BPIFB1: variants seen among roughly 807,000 people sequenced by gnomAD.
BPIFB1 encodes BPI fold containing family B member 1.
Under a neutral mutation model 55.1 loss-of-function variants are expected in BPIFB1, and 34 were observed. That is an observed-to-expected ratio of 0.62 (90% CI 0.47 to 0.82). The LOEUF (loss-of-function observed/expected upper bound fraction) is 0.82. Ranked by LOEUF, BPIFB1 falls within the 40% of genes least tolerant of loss-of-function variation. BPIFB1 has a pLI of 0.00. For missense variants in BPIFB1, 532 were observed against 593.1 expected (o/e 0.90, Z 1.07); for synonymous variants, 236 against 245.3 (o/e 0.96, Z 0.35).
At chr20:33,299,795 G>C in intron 7 of BPIFB1, 104 bp from the exon 8 acceptor site, 1 of 816,060 alleles carries the variant, frequency 1.2e-6, no homozygotes, top group Non-Finnish European at 2.1e-6. Flanking sequence ...CTCCCTACCT[G>C]CCCCCCCATG....
intron 2 of BPIFB1, 111 bp from the exon 3 acceptor site, chr20:33,288,630 T>A (rs1568646668): frequency 7.6e-7 from 1 of 1,307,898 alleles, no homozygotes; most frequent in African/African-American, 1.5e-5. Flanking sequence ...GGCTACACCC[T>A]CGCCTTACCT....
intron 6 of BPIFB1, among the ~76,000 whole-genome samples, chr20:33,295,684 G>GA (rs371404774): frequency 2.1e-5 from 3 of 141,064 alleles, no homozygotes; most frequent in Non-Finnish European, 3.0e-5. Flanking sequence ...AAGAAAGAGA[G>GA]AAAAAAAGGG....
chr20:33,287,091 G>C (rs1356542182), intron 2 of BPIFB1, among the ~76,000 whole-genome samples: 1 of 152,238 alleles, frequency 6.6e-6, no homozygotes, highest in East Asian at 1.9e-4. Flanking sequence ...AGGACGGGAA[G>C]CAGAGGGCTC....
In BPIFB1 at chr20:33,309,856, A is replaced by G; in HGVS notation, c.*89A>G. ...TAGACCATCCCTCTCTGCAATCAATAAACACTTGCCTGTGATGCCTGCCGT... is the reference window on the plus strand; with the variant it reads ...TAGACCATCCCTCTCTGCAATCAATGAACACTTGCCTGTGATGCCTGCCGT... On this transcript the variant is annotated 3_prime_UTR_variant, in exon 16 of 16. Transcript: ENST00000253354. The surrounding 1 kb of genome is among the most constrained non-coding windows in gnomAD (Gnocchi z 4.4). 1 of 1,233,952 alleles carries G rather than the reference A, an allele frequency of 8.1e-7. No homozygotes were observed. The highest frequency in any genetic ancestry group is 1.2e-6 in the Non-Finnish European group (1 of 843,616). 76.4% of individuals were successfully genotyped at this position (1,233,952 alleles called of 1,614,324 possible). A position where few individuals can be genotyped will look rare whatever the true frequency, so the allele number is the denominator to read the frequency against.
At chr20:33,308,164 A>G (rs1281759909) in intron 15 of BPIFB1, among the ~76,000 whole-genome samples, 1 of 152,116 alleles carries the variant, frequency 6.6e-6, no homozygotes, top group African/African-American at 2.4e-5. Context: ...AGATCTCACA[A>G]GAGCACACTC....
intron 4 of BPIFB1, 51 bp from the exon 5 acceptor site, chr20:33,290,906 C>T: frequency 6.3e-7 from 1 of 1,595,004 alleles, no homozygotes; most frequent in Middle Eastern, 1.7e-4. Flanking sequence ...CAGGGTTGCT[C>T]CAGCCCGAGC....
intron 5 of BPIFB1, 117 bp from the exon 6 acceptor site, chr20:33,291,790 T>G (rs574698429): frequency 4.4e-5 from 39 of 885,948 alleles, no homozygotes; most frequent in Middle Eastern, 4.4e-4. Context: ...TAACACGTCC[T>G]GTGACCTTGG....
chr20:33,303,217 GC>G, intron 11 of BPIFB1, 143 bp downstream of exon 11: 1 of 1,046,386 alleles, frequency 9.6e-7, no homozygotes, highest in East Asian at 2.6e-5. Context: ...TGAACCAAGA[GC>G]CAGGAGCTTT....
rs1201359000 is a variant in BPIFB1, at chr20:33,309,799, G to A, written c.*32G>A. On this transcript the variant is annotated 3_prime_UTR_variant, in exon 16 of 16. Coordinates refer to ENST00000253354, the MANE Select transcript of BPIFB1 (RefSeq NM_033197.3). This position sits in a 1 kb window ranked among gnomAD's most constrained non-coding sequence, Gnocchi z 4.4. ...GGATGGCAGCCATCAGGGAAGGCTG[G>A]GTCCCAGCTGGGAGTATGGGTGTGA... is the stretch of plus-strand genomic sequence containing the variant. 1.3e-6 allele frequency: 2 copies of A among 1,592,418 alleles called. No homozygotes were observed. Among genetic ancestry groups the A allele is most frequent in the African/African-American group, 2.7e-5 (2 of 74,236 alleles).
chr20:33,289,784 G>A, intron 3 of BPIFB1, 101 bp from the exon 4 acceptor site: 1 of 1,114,788 alleles, frequency 9.0e-7, no homozygotes, highest in Non-Finnish European at 1.4e-6. Flanking sequence ...GGGTCCCGCT[G>A]CTGCCTAGGC....
rs903910743 is a variant in BPIFB1 at position 33,302,815 on chromosome 20, G to A, written c.982-101G>A. 3.0e-6 allele frequency: 4 copies of A among 1,349,830 alleles called. No individual in the cohort carries two copies. The African/African-American group carries it at 5.8e-5, about 19-fold the overall frequency. 83.6% of individuals were successfully genotyped at this position (1,349,830 alleles called of 1,614,324 possible). ...CAGGGTGGCTGGAACACGTGAGGGA[G>A]CAGGGAGCCCAGGAAGGCAGGCAGG... On this transcript the variant is annotated intron_variant, in intron 10 of 15. Transcript: ENST00000253354.
In BPIFB1 at chr20:33,303,714, G is replaced by A. The variant is rs142068117; in HGVS notation, c.1141-244G>A. Among the ~76,000 whole-genome samples, 314 of 152,254 alleles carry A rather than the reference G, an allele frequency of 2.1e-3. 1 individual carries two copies. Among genetic ancestry groups the A allele is most frequent in the African/African-American group, 7.1e-3 (294 of 41,518 alleles). On this transcript the variant is annotated intron_variant, in intron 11 of 15. Transcript: ENST00000253354. Reference sequence around the variant, plus strand: ...TCTATGAATAGTGGCTGCTTTCGTCGTCGTCATCGTCATCATTATCATTCC... The same window carrying A: ...TCTATGAATAGTGGCTGCTTTCGTCATCGTCATCGTCATCATTATCATTCC...
intron 6 of BPIFB1, among the ~76,000 whole-genome samples, chr20:33,292,707 T>TCC (rs35973561): frequency 2.6e-5 from 4 of 152,102 alleles, no homozygotes; most frequent in African/African-American, 4.8e-5. Context: ...GGATTTTTTT[T>TCC]CTGCGTCAGT....
intron 13 of BPIFB1, among the ~76,000 whole-genome samples, chr20:33,305,478 C>T (rs575269841): frequency 7.4e-4 from 112 of 151,920 alleles, no homozygotes; most frequent in African/African-American, 2.6e-3. Context: ...CCACCACGCC[C>T]GGCTAATTTT....
At chr20:33,292,564 G>T (rs2146528653) in intron 6 of BPIFB1, among the ~76,000 whole-genome samples, 1 of 152,266 alleles carries the variant, frequency 6.6e-6, no homozygotes, top group Admixed American at 6.5e-5. Context: ...TCTGGGCTTA[G>T]CACCCAGCTC....
At position 33,291,077 on chromosome 20, in the gene BPIFB1, T is replaced by C. The variant is rs753587325; in HGVS notation, c.486T>C (p.His162=). ...TCCTCAGTGACTGTGCCACCAGCCATGGGAGCCTGCGCATCCAACTGCTGC... is the reference window on the plus strand; with the variant it reads ...TCCTCAGTGACTGTGCCACCAGCCACGGGAGCCTGCGCATCCAACTGCTGC... The part of the protein sequence containing the change: ...RLVLSDCATS[H]GSLRIQLLHK... The change falls in exon 5 of 16, where the codon CAT becomes CAC. Residue 162 remains histidine (H), a synonymous_variant. Transcript: ENST00000253354. The C allele has an allele frequency of 8.1e-6, 13 of 1,612,758 alleles. No individual in the cohort carries two copies. The highest frequency in any genetic ancestry group is 1.3e-5 in the African/African-American group (1 of 74,916).
rs1176211993 is a variant in BPIFB1, at chr20:33,296,911, A to C, written c.598-614A>C. On this transcript the variant is annotated intron_variant, in intron 6 of 15. Transcript: ENST00000253354. ...TAGCAACTTGCTGTATGAATAAACA[A>C]ATTCTCCATTTAACTCTTGTTTTTT... 3.3e-5 allele frequency among the ~76,000 whole-genome samples: 5 copies of C among 152,192 alleles called. No homozygotes were observed. The East Asian group carries it at 7.7e-4, about 23-fold the overall frequency.
At chr20:33,302,562 C>A in intron 10 of BPIFB1, 150 bp downstream of exon 10, 2 of 866,184 alleles carry the variant, frequency 2.3e-6, no homozygotes, top group Non-Finnish European at 1.9e-6. Flanking sequence ...TTCAGTCTAG[C>A]AGGCCAGTTT....
At chr20:33,287,408 A>G (rs1980304602) in intron 2 of BPIFB1, among the ~76,000 whole-genome samples, 1 of 152,258 alleles carries the variant, frequency 6.6e-6, no homozygotes, top group Non-Finnish European at 1.5e-5. Flanking sequence ...CAGAAACCAC[A>G]CAGTAAATGC....
Sources: allele counts gnomAD v4.1 joint callset (sites outside exome capture counted in the v4.1 genomes callset), GRCh38; gene constraint gnomAD v4.1.1; non-coding constraint Gnocchi (gnomAD v3.1); transcripts MANE v1.5; gene names NCBI Gene and HGNC (gene_info 2026-07-23, HGNC 2026-07-21).